MAPKAP1: variants seen among roughly 807,000 people sequenced by gnomAD.
The protein encoded by MAPKAP1 is MAPK associated protein 1, also known as target of rapamycin complex 2 subunit MAPKAP1.
In MAPKAP1, 20 loss-of-function variants were observed where a neutral mutation model predicts 65.7. That is an observed-to-expected ratio of 0.30 (90% CI 0.21 to 0.44). The LOEUF (loss-of-function observed/expected upper bound fraction) is 0.44, where lower values mean the gene tolerates loss of function less well. MAPKAP1 is among the 20% of genes least tolerant of loss of function. MAPKAP1 has a pLI of 1.00. For synonymous variants in MAPKAP1, 222 were observed against 244.3 expected, an observed-to-expected ratio of 0.91 and a Z score of 0.85; for missense variants, 423 against 648.0, an observed-to-expected ratio of 0.65 and a Z score of 3.77.
intron 4 of MAPKAP1, among the ~76,000 whole-genome samples, chr9:125,654,253 T>G (rs934753971): frequency 4.6e-5 from 7 of 152,188 alleles, no homozygotes; most frequent in Non-Finnish European, 7.4e-5. Context: ...CAAGAAGTTT[T>G]CCAATTGTCT....
intron 3 of MAPKAP1, among the ~76,000 whole-genome samples, chr9:125,663,537 C>T (rs1380828590): frequency 2.0e-5 from 3 of 152,158 alleles, no homozygotes; most frequent in South Asian, 2.1e-4. Flanking sequence ...TGTTTATCTA[C>T]CCCCAATCGA....
chr9:125,554,493 C>T (rs1830676842), intron 6 of MAPKAP1, among the ~76,000 whole-genome samples: 1 of 152,104 alleles, frequency 6.6e-6, no homozygotes, highest in African/African-American at 2.4e-5. Context: ...GCGTGGTGGG[C>T]CAAACGTAAA....
intron 3 of MAPKAP1, among the ~76,000 whole-genome samples, chr9:125,659,039 C>A (rs1359633989): frequency 1.3e-5 from 2 of 152,056 alleles, no homozygotes; most frequent in African/African-American, 4.8e-5. Context: ...CACTGGAGCA[C>A]AGGAGTTCGA....
At position 125,484,587 on chromosome 9, in the gene MAPKAP1, G is replaced by A. The variant is rs752633879; in HGVS notation, c.1067-4C>T. 5 of 1,604,712 alleles carry A rather than the reference G, an allele frequency of 3.1e-6. No homozygotes were observed. The highest frequency in any genetic ancestry group is 1.7e-5 in the Admixed American group (1 of 58,786). Reference sequence around the variant, plus strand: ...AAAACCCCGTCTGCCCTTGAACCTGGGGAGGAAAAGGCAGTTTAACACATA... The same window carrying A: ...AAAACCCCGTCTGCCCTTGAACCTGAGGAGGAAAAGGCAGTTTAACACATA... On this transcript the variant is annotated splice_region_variant and splice_polypyrimidine_tract_variant and intron_variant, in intron 8 of 11. Transcript: ENST00000265960.
Position 125,450,894 on chromosome 9 carries a change from T to C in MAPKAP1, c.1346-6296A>G, listed in dbSNP as rs1426798363. 2.6e-5 allele frequency among the ~76,000 whole-genome samples: 4 copies of C among 152,220 alleles called. No individual in the cohort carries two copies. In the South Asian group the frequency reaches 6.2e-4, roughly 24 times the overall value. On this transcript the variant is annotated intron_variant, in intron 10 of 11. Transcript: ENST00000265960. ...TCCTGGTTGGGTCTCCTCTCCACCG[T>C]AAGCAACAGTTCTGGGCTGCCTGCA... is the stretch of plus-strand genomic sequence containing the variant.
At chr9:125,538,090 T>C (rs1263640730) in intron 7 of MAPKAP1, among the ~76,000 whole-genome samples, 1 of 152,220 alleles carries the variant, frequency 6.6e-6, no homozygotes, top group Non-Finnish European at 1.5e-5. Flanking sequence ...CTTATCCTCT[T>C]TGGGCCTCAG....
chr9:125,469,582 T>C (rs1589218152), intron 9 of MAPKAP1, among the ~76,000 whole-genome samples: 1 of 152,304 alleles, frequency 6.6e-6, no homozygotes, highest in East Asian at 1.9e-4. Flanking sequence ...GGGGAGACAA[T>C]GCAGAGATGG....
chr9:125,693,872 CAT>C lies in MAPKAP1; in HGVS notation c.-70+13097_-70+13098del, dbSNP rs1554844792. Among the ~76,000 whole-genome samples, 257 of 147,264 alleles carry C rather than the reference CAT, an allele frequency of 1.7e-3. 8 individuals are homozygous for C. The highest frequency in any genetic ancestry group is 3.4e-3 in the Middle Eastern group (1 of 290). On this transcript the variant is annotated intron_variant, in intron 1 of 11. Coordinates refer to ENST00000265960, the MANE Select transcript of MAPKAP1 (RefSeq NM_001006617.3). Reference sequence around the variant, plus strand: ...ACACACACACACACACACACACACACATATATATATAGTTGGCCGGGCATAGG... The same window carrying C: ...ACACACACACACACACACACACACACATATATATAGTTGGCCGGGCATAGG...
At chr9:125,522,386 G>T (rs1268016872) in intron 7 of MAPKAP1, among the ~76,000 whole-genome samples, 2 of 152,126 alleles carry the variant, frequency 1.3e-5, no homozygotes, top group Admixed American at 6.5e-5. Flanking sequence ...TCATCAAACT[G>T]TACTAAACTC....
chr9:125,484,707 A>C, intron 8 of MAPKAP1, 124 bp from the exon 9 acceptor site: 1 of 895,914 alleles, frequency 1.1e-6, no homozygotes, highest in Middle Eastern at 2.3e-4. Flanking sequence ...GAAAAGGCTG[A>C]GCGATGACTT....
intron 1 of MAPKAP1, among the ~76,000 whole-genome samples, chr9:125,689,462 A>AAAAAC (rs34657276): frequency 9.5e-6 from 1 of 104,992 alleles, no homozygotes; most frequent in East Asian, 2.6e-4. Flanking sequence ...AAAAAAAAAA[A>AAAAAC]CAGGCCAGGC....
chr9:125,474,709 G>A (rs1032762724), intron 9 of MAPKAP1, among the ~76,000 whole-genome samples: 4 of 152,112 alleles, frequency 2.6e-5, no homozygotes, highest in Non-Finnish European at 5.9e-5. Context: ...CACCACTTTG[G>A]CAAAAATTAA....
intron 4 of MAPKAP1, among the ~76,000 whole-genome samples, chr9:125,591,332 G>A (rs995467605): frequency 2.0e-5 from 3 of 152,190 alleles, no homozygotes; most frequent in Admixed American, 1.3e-4. Context: ...GGAGCTGCTC[G>A]AGGAGAGCAG....
chr9:125,625,251 T>TAAA (rs1833073598), intron 4 of MAPKAP1, among the ~76,000 whole-genome samples: 4 of 10,460 alleles, frequency 3.8e-4, no homozygotes, highest in South Asian at 3.4e-3. Context: ...AAAAAATAAA[T>TAAA]AAATAAAAAA....
At chr9:125,695,377 C>T (rs548398172) in intron 1 of MAPKAP1, among the ~76,000 whole-genome samples, 2 of 152,262 alleles carry the variant, frequency 1.3e-5, no homozygotes, top group South Asian at 2.1e-4. Flanking sequence ...CAGAGGGATG[C>T]CGAAATGAAA....
chr9:125,693,414 CA>C (rs140359169), intron 1 of MAPKAP1, among the ~76,000 whole-genome samples: 4,375 of 118,526 alleles, frequency 0.037, 127 homozygotes, highest in African/African-American at 0.11. Context: ...AATTCCGCCT[CA>C]AAAAAAAAAA....
intron 4 of MAPKAP1, among the ~76,000 whole-genome samples, chr9:125,607,736 ACCT>A (rs1411863794): frequency 6.6e-6 from 1 of 152,038 alleles, no homozygotes; most frequent in Non-Finnish European, 1.5e-5. Context: ...GCTCACTGCA[ACCT>A]CCGCCTCCCG....
chr9:125,641,891 G>C (rs943259283), intron 4 of MAPKAP1, among the ~76,000 whole-genome samples: 10 of 152,074 alleles, frequency 6.6e-5, no homozygotes, highest in Middle Eastern at 3.2e-3. Context: ...AATTAGCCAG[G>C]CATGGTGGCG....
chr9:125,653,793 C>T (rs909570889), intron 4 of MAPKAP1, among the ~76,000 whole-genome samples: 2 of 152,292 alleles, frequency 1.3e-5, no homozygotes, highest in Admixed American at 1.3e-4. Context: ...TAGCATTATC[C>T]TATTTGATGG....
Sources: gnomAD v4.1 joint callset for allele counts (sites outside exome capture counted in the v4.1 genomes callset) on GRCh38, gnomAD v4.1.1 for gene constraint, MANE v1.5 for transcripts, NCBI Gene and HGNC (gene_info 2026-07-23, HGNC 2026-07-21) for gene names.